Variants in MECR observed in about 807,000 individuals in gnomAD.
MECR encodes mitochondrial trans-2-enoyl-CoA reductase, also known as enoyl-[acyl-carrier-protein] reductase, mitochondrial.
MECR carries 37 observed loss-of-function variants against 49.1 expected under a neutral mutation model. That is an observed-to-expected ratio of 0.75 (90% CI 0.58 to 0.99). The LOEUF (loss-of-function observed/expected upper bound fraction) is 0.99. Ranked by LOEUF, MECR falls within the 50% of genes least tolerant of loss-of-function variation. The pLI is 0.00. For missense variants in MECR, 470 were observed against 479.6 expected, an observed-to-expected ratio of 0.98 and a Z score of 0.19; for synonymous variants, 198 against 191.1, an observed-to-expected ratio of 1.04 and a Z score of -0.30.
At chr1:29,197,980 G>A (rs900860706) in intron 7 of MECR, among the ~76,000 whole-genome samples, 8 of 152,190 alleles carry the variant, frequency 5.3e-5, no homozygotes, top group African/African-American at 7.2e-5. Context: ...CACCAGGACC[G>A]GTTTCATGGA....
At chr1:29,185,716 T>C in the MECR span, among the ~76,000 whole-genome samples, 1 of 152,182 alleles carries the variant, frequency 6.6e-6, no homozygotes, top group Admixed American at 6.5e-5. Flanking sequence ...TGCCCGGCCA[T>C]AATCTTTAAT....
chr1:29,219,331 T>C (rs553944917), intron 1 of MECR, among the ~76,000 whole-genome samples: 6 of 152,246 alleles, frequency 3.9e-5, no homozygotes, highest in Non-Finnish European at 8.8e-5. Context: ...ACAAAATTCA[T>C]GTGCTCAAGC....
the MECR span, among the ~76,000 whole-genome samples, chr1:29,182,143 G>A: frequency 2.0e-5 from 3 of 152,232 alleles, no homozygotes; most frequent in African/African-American, 4.8e-5. Flanking sequence ...CCCCGGAAGT[G>A]TCCGCACCTC....
At chr1:29,190,610 A>G (rs1439435582), downstream of MECR, among the ~76,000 whole-genome samples, 3 of 152,106 alleles carry the variant, frequency 2.0e-5, no homozygotes, top group South Asian at 6.2e-4. Flanking sequence ...CCTGTCCAAC[A>G]TGGTGAAACG....
the MECR span, among the ~76,000 whole-genome samples, chr1:29,182,549 A>AT: frequency 0.014 from 1,953 of 144,234 alleles, 42 homozygotes; most frequent in African/African-American, 0.042. Context: ...AATCCAACCT[A>AT]TTTTTTTTTT....
intron 7 of MECR, among the ~76,000 whole-genome samples, chr1:29,199,477 T>C (rs1395711891): frequency 6.6e-6 from 1 of 152,108 alleles, no homozygotes; most frequent in African/African-American, 2.4e-5. Context: ...TCTGCCCGCC[T>C]CAGCCTCCCA....
chr1:29,216,651 A>G lies in MECR; in HGVS notation c.211T>C (p.Ser71Pro), dbSNP rs780973892. 1.2e-6 allele frequency: 2 copies of G among 1,614,240 alleles called. No homozygotes were observed. The highest frequency in any genetic ancestry group is 1.7e-6 in the Non-Finnish European group (2 of 1,180,046). ...GCCAGCATCTTCACACGGACATCTG[A>G]TCCTCTCACAGCAGCTAGCTCCAGG... ...KNLELAAVRG[S>P]DVRVKMLAAP... The change falls in exon 2 of 10, where the codon TCA becomes CCA. Residue 71 changes from serine to proline, a missense_variant. By Grantham distance (74) the Ser-to-Pro change is moderately conservative (BLOSUM62 -1). Coordinates refer to ENST00000263702, the MANE Select transcript of MECR (RefSeq NM_016011.5).
chr1:29,228,171 T>C (rs1682576326), intron 1 of MECR, among the ~76,000 whole-genome samples: 1 of 151,298 alleles, frequency 6.6e-6, no homozygotes, highest in South Asian at 2.1e-4. Context: ...AGCCCAGGAG[T>C]TCAAGACCAG....
Position 29,216,140 on chromosome 1 carries a change from A to G in MECR, c.275-4T>C. ...TCAGGAAGGAATCCGTAGTTTCCTG[A>G]GGGAGAAGAGCATTAAAGGGTCAAC... On this transcript the variant is annotated splice_polypyrimidine_tract_variant and splice_region_variant and intron_variant, in intron 2 of 9. Transcript: ENST00000263702. 1 of 1,613,570 alleles carries G rather than the reference A, an allele frequency of 6.2e-7. No homozygotes were observed.
chr1:29,189,940 A>G (rs1574210711), downstream of MECR, among the ~76,000 whole-genome samples: 1 of 152,274 alleles, frequency 6.6e-6, no homozygotes, highest in South Asian at 2.1e-4. Context: ...TTGAATTTGT[A>G]TTACTTAGGA....
chr1:29,180,807 C>G, the MECR span, among the ~76,000 whole-genome samples: 2 of 152,110 alleles, frequency 1.3e-5, no homozygotes, highest in Admixed American at 1.3e-4. Flanking sequence ...CTATTTTTGC[C>G]GAAGTAGATT....
At chr1:29,188,679 G>A (rs753419436), downstream of MECR, among the ~76,000 whole-genome samples, 38 of 151,112 alleles carry the variant, frequency 2.5e-4, no homozygotes, top group Non-Finnish European at 4.6e-4. Flanking sequence ...CACTCTTGTT[G>A]CCCAGGATGG....
In MECR at chr1:29,193,899, T is replaced by TA; in HGVS notation, c.*122dup. The TA allele has an allele frequency of 8.1e-7, 1 of 1,227,576 alleles. No individual in the cohort carries two copies. The highest frequency in any genetic ancestry group is 1.1e-6 in the Non-Finnish European group (1 of 878,846). The allele number at this position is 1,227,576 out of a possible 1,614,324, so 76.0% of individuals were successfully genotyped here. A position where few individuals can be genotyped will look rare whatever the true frequency, so the allele number is the denominator to read the frequency against. ...ACCGTGGCTGGCTTCACCATCCTCC[T>TA]AATAGGAAGAGGCAGTGAGGAGAAC... On this transcript the variant is annotated 3_prime_UTR_variant, in exon 10 of 10. Transcript: ENST00000263702.
chr1:29,203,451 C>A (rs1276144558), intron 4 of MECR, among the ~76,000 whole-genome samples: 1 of 151,668 alleles, frequency 6.6e-6, no homozygotes, highest in African/African-American at 2.4e-5. Flanking sequence ...CAGGACTTGG[C>A]AACTCAGCAT....
the MECR span, among the ~76,000 whole-genome samples, chr1:29,183,317 C>T: frequency 6.6e-5 from 10 of 152,194 alleles, no homozygotes; most frequent in Non-Finnish European, 1.5e-4. Flanking sequence ...AGCCAGTGCC[C>T]TGGTGAAGGA....
the MECR span, among the ~76,000 whole-genome samples, chr1:29,183,393 CTT>C: frequency 6.7e-6 from 1 of 148,446 alleles, no homozygotes; most frequent in African/African-American, 2.6e-5. Flanking sequence ...CTCTCTCTCT[CTT>C]TCTCTCTCTC....
chr1:29,206,552 C>T (rs950472619), intron 4 of MECR, among the ~76,000 whole-genome samples: 2 of 152,144 alleles, frequency 1.3e-5, no homozygotes, highest in African/African-American at 2.4e-5. Flanking sequence ...CAGCAGTTTT[C>T]GAGAGTGTAC....
chr1:29,184,164 C>T, the MECR span, among the ~76,000 whole-genome samples: 16 of 142,764 alleles, frequency 1.1e-4, 1 homozygote, highest in Non-Finnish European at 4.6e-5. Context: ...AGGCGTGAGC[C>T]ACTGTACCCG....
intron 4 of MECR, among the ~76,000 whole-genome samples, chr1:29,205,414 C>T (rs1453580716): frequency 6.6e-6 from 1 of 151,448 alleles, no homozygotes; most frequent in Non-Finnish European, 1.5e-5. Context: ...AAACCCCTGA[C>T]CTCAAGTGAT....
Sources: gnomAD v4.1 joint callset for allele counts (sites outside exome capture counted in the v4.1 genomes callset) on GRCh38, gnomAD v4.1.1 for gene constraint, MANE v1.5 for transcripts, NCBI Gene and HGNC (gene_info 2026-07-23, HGNC 2026-07-21) for gene names.